The following DBNDD1 variants were observed in gnomAD, a reference collection of about 807,000 sequenced individuals.
DBNDD1 encodes dysbindin domain containing 1.
Under a neutral mutation model 17.0 loss-of-function variants are expected in DBNDD1, and 14 were observed. That is an observed-to-expected ratio of 0.82 (90% confidence interval 0.54 to 1.29). DBNDD1 has a LOEUF of 1.29. Among genes scored for constraint, DBNDD1 ranks in the 50% most tolerant of loss-of-function variants. DBNDD1 has a pLI of 0.00. For missense variants in DBNDD1, 221 were observed against 216.2 expected (o/e 1.02, Z -0.14); for synonymous variants, 105 against 102.0 (o/e 1.03, Z -0.18).
chr16:90,010,897 GTCTA>G (rs1000684387), intron 1 of DBNDD1, among the ~76,000 whole-genome samples: 4 of 152,202 alleles, frequency 2.6e-5, no homozygotes, highest in African/African-American at 9.7e-5. Flanking sequence ...GGCCCTGTGG[GTCTA>G]TCTCTCAGGG....
chr16:90,019,458 A>C (rs2035728535), upstream of DBNDD1: 3 of 419,638 alleles, frequency 7.1e-6, no homozygotes, highest in East Asian at 8.8e-5. This position sits in a 1 kb window ranked among gnomAD's most constrained non-coding sequence, Gnocchi z 6.1. Context: ...CGGGGCAGCA[A>C]CCGGGGGGCC....
rs907369570 is a variant in DBNDD1, at chr16:90,008,681, C to G, written c.319+103G>C. On this transcript the variant is annotated intron_variant, in intron 3 of 3. Coordinates refer to ENST00000002501, the MANE Select transcript of DBNDD1 (RefSeq NM_001042610.3). ...CACCCCCCAAACACACCTCCCAGGA[C>G]GTCCCAAGGGCCCTCAGCCCACCAC... 2 of 956,420 alleles carry G rather than the reference C, an allele frequency of 2.1e-6. 1 individual carries two copies. The highest frequency in any genetic ancestry group is 3.0e-6 in the Non-Finnish European group (2 of 656,436). The allele number at this position is 956,420 out of a possible 1,614,324, so 59.2% of individuals were successfully genotyped here.
At chr16:90,013,262 T>TAAAAAAAAAAAAACAAAAAAA (rs2035586868) in intron 1 of DBNDD1, among the ~76,000 whole-genome samples, 1 of 49,182 alleles carries the variant, frequency 2.0e-5, no homozygotes, top group Non-Finnish European at 4.4e-5. Flanking sequence ...AACCTTGCCT[T>TAAAAAAAAAAAAACAAAAAAA]AAAAAAAAAA....
At chr16:90,019,735 C>T (rs1302793921), upstream of DBNDD1, 2 of 656,776 alleles carry the variant, frequency 3.0e-6, no homozygotes, top group African/African-American at 1.9e-5. The surrounding 1 kb of genome is among the most constrained non-coding windows in gnomAD (Gnocchi z 6.1). Flanking sequence ...CACTTGGCGG[C>T]CGCGCCCGCT....
At chr16:90,019,747 G>C, upstream of DBNDD1, 5 of 662,638 alleles carry the variant, frequency 7.5e-6, no homozygotes, top group Non-Finnish European at 1.4e-5. This position sits in a 1 kb window ranked among gnomAD's most constrained non-coding sequence, Gnocchi z 6.1. Flanking sequence ...GCGCCCGCTG[G>C]CGTCCTCTTG....
rs1178562686 is a variant in DBNDD1 at position 90,016,482 on chromosome 16, G to A, written c.31+2829C>T. 3.3e-5 allele frequency among the ~76,000 whole-genome samples: 5 copies of A among 152,156 alleles called. No individual in the cohort carries two copies. The East Asian group carries it at 5.8e-4, about 18-fold the overall frequency. On this transcript the variant is annotated intron_variant, in intron 1 of 3. Coordinates refer to ENST00000002501, the MANE Select transcript of DBNDD1 (RefSeq NM_001042610.3). Reference sequence around the variant, plus strand: ...GCAGAGGCAAGCAGGTGTTTCTGATGTCCCAGGAAGGACCCCAGAGTGTGG... The same window carrying A: ...GCAGAGGCAAGCAGGTGTTTCTGATATCCCAGGAAGGACCCCAGAGTGTGG...
Position 90,006,388 on chromosome 16 carries a change from G to T in DBNDD1, c.424C>A (p.Gln142Lys). 1 of 1,607,870 alleles carries T rather than the reference G, an allele frequency of 6.2e-7. No homozygotes were observed. The change falls in exon 4 of 4, where the codon CAG (glutamine) becomes AAG (lysine). Residue 142 changes from glutamine to lysine, a missense_variant. Coordinates refer to ENST00000002501, the MANE Select transcript of DBNDD1 (RefSeq NM_001042610.3). ...EKQPLGDPER[Q>K]ATVLDTFLTV... ...AGAAACGTGTCCAGGACTGTGGCCT[G>T]CCGCTCGGGGTCGCCTAGGGGCTGC...
At chr16:90,008,097 A>G (rs12149683) in intron 3 of DBNDD1, among the ~76,000 whole-genome samples, 3,292 of 6,148 alleles carry the variant, frequency 0.54, 1,161 homozygotes, top group Middle Eastern at 0.67. Flanking sequence ...AGCCCACCAC[A>G]CACACCTCCC....
chr16:90,013,829 G>A (rs985773770), intron 1 of DBNDD1, among the ~76,000 whole-genome samples: 6 of 152,072 alleles, frequency 3.9e-5, no homozygotes, highest in African/African-American at 7.2e-5. Context: ...TGAGCAGTGC[G>A]GGGCTGTGCT....
At chr16:90,019,693 C>T, upstream of DBNDD1, 3 of 565,906 alleles carry the variant, frequency 5.3e-6, no homozygotes, top group Non-Finnish European at 6.1e-6. This position sits in a 1 kb window ranked among gnomAD's most constrained non-coding sequence, Gnocchi z 6.1. Flanking sequence ...GCCCTCCCGA[C>T]CCCGGCCGGG....
At chr16:90,018,414 G>T (rs2035684792) in intron 1 of DBNDD1, among the ~76,000 whole-genome samples, 1 of 152,180 alleles carries the variant, frequency 6.6e-6, no homozygotes, top group African/African-American at 2.4e-5. Context: ...TGCGGCTGGG[G>T]GACTGAGAGG....
At chr16:90,017,709 A>G (rs984832269) in intron 1 of DBNDD1, among the ~76,000 whole-genome samples, 14 of 152,324 alleles carry the variant, frequency 9.2e-5, no homozygotes, top group African/African-American at 3.4e-4. Context: ...AAGTAATGAC[A>G]GAGTCACCAA....
In DBNDD1 at chr16:90,019,242, G is replaced by A. The variant is rs1486375226; in HGVS notation, c.31+69C>T. 2 of 814,280 alleles carry A rather than the reference G, an allele frequency of 2.5e-6. No homozygotes were observed. The highest frequency in any genetic ancestry group is 6.1e-5 in the South Asian group (1 of 16,382). 50.4% of individuals were successfully genotyped at this position (814,280 alleles called of 1,614,324 possible). ...CGGGAGCGGCGAAGGGTGAGCCCTG[G>A]GGGGAGGGGCTGCGGCTCGCTGCGG... On this transcript the variant is annotated intron_variant, in intron 1 of 3. Transcript: ENST00000002501. This position sits in a 1 kb window ranked among gnomAD's most constrained non-coding sequence, Gnocchi z 6.1.
At position 90,019,407 on chromosome 16, in the gene DBNDD1, G is replaced by T; in HGVS notation, c.-66C>A. On this transcript the variant is annotated 5_prime_UTR_variant, in exon 1 of 4. In the 5' UTR this introduces an upstream ATG that the reference lacks. Transcript: ENST00000002501. This position sits in a 1 kb window ranked among gnomAD's most constrained non-coding sequence, Gnocchi z 6.1. ...GTCGCCTGGCCCGGGCGCCCCAACA[G>T]CTGCGGCAGCGACTCGGCCCCGGCT... 4 of 1,057,540 alleles carry T rather than the reference G, an allele frequency of 3.8e-6. No homozygotes were observed. The highest frequency in any genetic ancestry group is 4.7e-6 in the Non-Finnish European group (4 of 842,860). The allele number at this position is 1,057,540 out of a possible 1,614,324, so 65.5% of individuals were successfully genotyped here.
At chr16:90,013,311 G>C (rs1485739359) in intron 1 of DBNDD1, among the ~76,000 whole-genome samples, 2 of 140,924 alleles carry the variant, frequency 1.4e-5, no homozygotes, top group African/African-American at 2.7e-5. Flanking sequence ...TTCTAGTACA[G>C]TCCCAGCATT....
intron 3 of DBNDD1, chr16:90,007,741 G>C (rs1399696790): frequency 1.3e-5 from 2 of 152,398 alleles, no homozygotes; most frequent in Non-Finnish European, 1.5e-5. Context: ...TTAGCCGTCT[G>C]TTGCTCACTT....
At chr16:90,009,007 T>C (rs1468051728) in intron 2 of DBNDD1, 83 bp from the exon 3 acceptor site, 4 of 1,441,064 alleles carry the variant, frequency 2.8e-6, no homozygotes, top group East Asian at 2.5e-5. Flanking sequence ...GAGAGTGTGC[T>C]GTGTCCTCCC....
chr16:90,018,822 C>T (rs1457910352), intron 1 of DBNDD1, among the ~76,000 whole-genome samples: 6 of 152,198 alleles, frequency 3.9e-5, no homozygotes, highest in Non-Finnish European at 1.5e-5. Flanking sequence ...ATCCCCAAGA[C>T]CCATCTCAGC....
Position 90,019,215 on chromosome 16 carries a change from C to G in DBNDD1, c.31+96G>C. ...AGCTGCCAAAGGGGTCTTCGCGACT[C>G]CCGGGAGCGGCGAAGGGTGAGCCCT... On this transcript the variant is annotated intron_variant, in intron 1 of 3. Transcript: ENST00000002501. This position sits in a 1 kb window ranked among gnomAD's most constrained non-coding sequence, Gnocchi z 6.1. The G allele has an allele frequency of 1.6e-6, 1 of 607,324 alleles. No individual in the cohort carries two copies. Among genetic ancestry groups the G allele is most frequent in the Non-Finnish European group, 2.3e-6 (1 of 426,780 alleles). 37.6% of individuals were successfully genotyped at this position (607,324 alleles called of 1,614,324 possible). A position where few individuals can be genotyped will look rare whatever the true frequency, so the allele number is the denominator to read the frequency against.
Sources: allele counts gnomAD v4.1 joint callset (sites outside exome capture counted in the v4.1 genomes callset), GRCh38; gene constraint gnomAD v4.1.1; non-coding constraint Gnocchi (gnomAD v3.1); transcripts MANE v1.5; gene names NCBI Gene and HGNC (gene_info 2026-07-23, HGNC 2026-07-21).